RAB13: variants seen among roughly 807,000 people sequenced by gnomAD.
The protein encoded by RAB13 is ras-related protein Rab-13.
Under a neutral mutation model 29.3 loss-of-function variants are expected in RAB13, and 15 were observed. That is an observed-to-expected ratio of 0.51 (90% confidence interval 0.34 to 0.79). The LOEUF is 0.79. Among genes scored for constraint, RAB13 ranks in the 30% least tolerant of loss-of-function variants. The pLI, the probability that RAB13 is intolerant of heterozygous loss-of-function variation, is 0.01. For missense variants in RAB13, 186 were observed against 255.5 expected (o/e 0.73, Z 1.85); for synonymous variants, 82 against 93.8 (o/e 0.87, Z 0.73).
chr1:153,984,826 C>T (rs1317348245), intron 1 of RAB13, 45 bp from the exon 2 acceptor site: 3 of 1,575,240 alleles, frequency 1.9e-6, no homozygotes, highest in African/African-American at 2.7e-5. Context: ...TGCATGCACA[C>T]ATGTAAAACT....
chr1:153,990,671 A>G, upstream of RAB13: 3 of 1,332,594 alleles, frequency 2.3e-6, no homozygotes, highest in Non-Finnish European at 3.2e-6. Flanking sequence ...GCGGCGGATC[A>G]AAGTAAGACG....
intron 1 of RAB13, chr1:153,985,033 C>T: frequency 8.3e-7 from 1 of 1,209,996 alleles, no homozygotes; most frequent in Admixed American, 4.8e-5. Flanking sequence ...TGCATGGAGG[C>T]TTAAAATCCT....
upstream of RAB13, chr1:153,990,617 A>T: frequency 1.4e-6 from 1 of 693,248 alleles, no homozygotes. Flanking sequence ...CACAACTAAC[A>T]GTTAAAGACC....
intron 5 of RAB13, 44 bp downstream of exon 5, chr1:153,982,674 GC>G: frequency 6.2e-7 from 1 of 1,612,068 alleles, no homozygotes; most frequent in Non-Finnish European, 8.5e-7. Flanking sequence ...ACCTATCTTG[GC>G]CCTCCCAGCC....
intron 7 of RAB13, 38 bp downstream of exon 7, chr1:153,982,353 A>G (rs537894434): frequency 1.3e-6 from 2 of 1,566,892 alleles, no homozygotes; most frequent in Non-Finnish European, 1.8e-6. Flanking sequence ...ACACACACAC[A>G]CCCCAGAGTT....
upstream of RAB13, among the ~76,000 whole-genome samples, chr1:153,988,332 GA>G (rs1233827635): frequency 1.7e-5 from 2 of 119,750 alleles, no homozygotes; most frequent in African/African-American, 6.5e-5. Flanking sequence ...TTGCTCTGTC[GA>G]CCTAGGCTGG....
At chr1:153,983,675 C>T (rs1247254634) in intron 2 of RAB13, 94 bp from the exon 3 acceptor site, 15 of 1,075,642 alleles carry the variant, frequency 1.4e-5, no homozygotes, top group African/African-American at 3.1e-5. Context: ...GCTTTTGTAA[C>T]ATGGTGGGGC....
upstream of RAB13, among the ~76,000 whole-genome samples, chr1:153,987,528 A>AAAAAAAAG (rs570485139): frequency 0.015 from 1,859 of 127,384 alleles, 84 homozygotes; most frequent in African/African-American, 0.051. Flanking sequence ...AAAAAAAAAA[A>AAAAAAAAG]AAAGAAAGAA....
chr1:153,987,311 C>T (rs1267781962), upstream of RAB13, among the ~76,000 whole-genome samples: 1 of 148,504 alleles, frequency 6.7e-6, no homozygotes, highest in Non-Finnish European at 1.5e-5. Context: ...TCGAGACCAT[C>T]CTGGCTAACA....
chr1:153,984,846 A>G lies in RAB13; in HGVS notation c.125-65T>C. On this transcript the variant is annotated intron_variant, in intron 1 of 7. Transcript: ENST00000368575. Reference sequence around the variant, plus strand: ...GCACACATGTAAAACTGTGTGATGGAAGGGACAGGAACGGAGCAGTGCTGG... The same window carrying G: ...GCACACATGTAAAACTGTGTGATGGGAGGGACAGGAACGGAGCAGTGCTGG... The G allele has an allele frequency of 1.9e-6, 3 of 1,551,068 alleles. No individual in the cohort carries two copies. In the African/African-American group the frequency reaches 4.1e-5, roughly 21 times the overall value.
intron 4 of RAB13, 38 bp from the exon 5 acceptor site, chr1:153,982,846 G>T: frequency 6.2e-7 from 1 of 1,604,664 alleles, no homozygotes; most frequent in Non-Finnish European, 8.5e-7. Context: ...GGTCCTGCCG[G>T]CTGGGAGCGG....
chr1:153,988,445 C>T (rs1346851416), upstream of RAB13, among the ~76,000 whole-genome samples: 1 of 148,438 alleles, frequency 6.7e-6, no homozygotes, highest in Non-Finnish European at 1.5e-5. Flanking sequence ...AGGCGCCCGC[C>T]ACCACCCGGC....
chr1:153,982,464 C>T lies in RAB13; in HGVS notation c.481-20G>A, dbSNP rs775053648. 2 of 1,612,478 alleles carry T rather than the reference C, an allele frequency of 1.2e-6. No individual in the cohort carries two copies. Among genetic ancestry groups the T allele is most frequent in the South Asian group, 1.1e-5 (1 of 91,052 alleles). ...AAAAGCCTAAAGTGGGGAACAGAGTCAGTTTGGAGGGAGGAGAATCTACCT... is the reference window on the plus strand; with the variant it reads ...AAAAGCCTAAAGTGGGGAACAGAGTTAGTTTGGAGGGAGGAGAATCTACCT... On this transcript the variant is annotated intron_variant, in intron 6 of 7. Transcript: ENST00000368575.
chr1:153,982,913 T>G, intron 4 of RAB13, 105 bp from the exon 5 acceptor site: 2 of 1,103,748 alleles, frequency 1.8e-6, no homozygotes, highest in East Asian at 2.5e-5. Flanking sequence ...GATCACCTGA[T>G]GCAGGAGTTC....
At chr1:153,988,077 C>G (rs1298210553), upstream of RAB13, among the ~76,000 whole-genome samples, 4 of 150,222 alleles carry the variant, frequency 2.7e-5, no homozygotes, top group Non-Finnish European at 5.9e-5. Context: ...CTCCGCCTCC[C>G]GAATTCAAGC....
chr1:153,984,480 A>G (rs1392828067), intron 2 of RAB13, among the ~76,000 whole-genome samples: 3 of 152,178 alleles, frequency 2.0e-5, no homozygotes. Context: ...TTGTTGTCAA[A>G]TTAAGAGGAT....
chr1:153,988,774 T>C (rs1225904447), upstream of RAB13, among the ~76,000 whole-genome samples: 1 of 147,242 alleles, frequency 6.8e-6, no homozygotes, highest in Non-Finnish European at 1.5e-5. Flanking sequence ...CACTACCCCC[T>C]GCTAATTTTG....
At chr1:153,982,655 TGC>T in intron 5 of RAB13, 55 bp from the exon 6 acceptor site, 1 of 1,610,516 alleles carries the variant, frequency 6.2e-7, no homozygotes, top group Non-Finnish European at 8.5e-7. Flanking sequence ...CCAAGTCCTC[TGC>T]AATGCAACCT....
chr1:153,982,322 C>G, intron 7 of RAB13, 69 bp downstream of exon 7: 1 of 1,495,000 alleles, frequency 6.7e-7, no homozygotes, highest in Non-Finnish European at 9.2e-7. Flanking sequence ...CACACACACA[C>G]ACACACACAC....
Sources: allele counts gnomAD v4.1 joint callset (sites outside exome capture counted in the v4.1 genomes callset), GRCh38; gene constraint gnomAD v4.1.1; transcripts MANE v1.5; gene names NCBI Gene and HGNC (gene_info 2026-07-23, HGNC 2026-07-21).